The following NRXN2 variants were observed in gnomAD, a reference collection of about 807,000 sequenced individuals.
The protein encoded by NRXN2 is neurexin 2.
Under a neutral mutation model 128.8 loss-of-function variants are expected in NRXN2, and 29 were observed. That is an observed-to-expected ratio of 0.23 (90% confidence interval 0.17 to 0.31). NRXN2 has a LOEUF of 0.31. Among genes scored for constraint, NRXN2 ranks in the 10% least tolerant of loss-of-function variants. The pLI is 1.00. For synonymous variants in NRXN2, 1,098 were observed against 1,075.2 expected (o/e 1.02, Z -0.41); for missense variants, 1,881 against 2,452.6 (o/e 0.77, Z 4.92).
chr11:64,644,627 C>G (rs1049855305), intron 17 of NRXN2, among the ~76,000 whole-genome samples: 1 of 151,996 alleles, frequency 6.6e-6, no homozygotes, highest in South Asian at 2.1e-4. Context: ...TCGTATGCAC[C>G]AACCTGCTCG....
chr11:64,691,135 T>A (rs2053756317), intron 4 of NRXN2, among the ~76,000 whole-genome samples: 1 of 152,240 alleles, frequency 6.6e-6, no homozygotes, highest in African/African-American at 2.4e-5. Flanking sequence ...ACCCTGGAGC[T>A]TCCCAGAGAT....
chr11:64,690,965 C>G (rs1164584238), intron 4 of NRXN2, among the ~76,000 whole-genome samples: 1 of 152,168 alleles, frequency 6.6e-6, no homozygotes, highest in African/African-American at 2.4e-5. Flanking sequence ...GACGCAGACA[C>G]CCCCTCCTCC....
chr11:64,713,632 G>A lies in NRXN2; in HGVS notation c.68C>T (p.Ala23Val). 4 of 1,249,398 alleles carry A rather than the reference G, an allele frequency of 3.2e-6. No individual in the cohort carries two copies. The highest frequency in any genetic ancestry group is 2.8e-5 in the South Asian group (1 of 36,246). 77.4% of individuals were successfully genotyped at this position (1,249,398 alleles called of 1,614,324 possible). The part of the protein sequence containing the change: ...PLLLLLLLAL[A>V]ARADGLEFGG... ...GAACTCCAGGCCGTCCGCGCGCGCCGCCAGCGCCAGCAGCAGCAGCAACAG... is the reference window on the plus strand; with the variant it reads ...GAACTCCAGGCCGTCCGCGCGCGCCACCAGCGCCAGCAGCAGCAGCAACAG... Residue 23 changes from alanine to valine, a missense_variant, in exon 2 of 23, where the codon GCG (alanine) becomes GTG (valine). By Grantham distance (64) the Ala-to-Val change is moderately conservative. Transcript: ENST00000265459.
At chr11:64,617,162 GTGTGTGTGTGTGTA>G (rs924123697) in intron 22 of NRXN2, among the ~76,000 whole-genome samples, 9 of 134,226 alleles carry the variant, frequency 6.7e-5, no homozygotes, top group Admixed American at 1.4e-4. Context: ...AGGTTTGAAC[GTGTGTGTGTGTGTA>G]TGTGTGTGTG....
chr11:64,619,421 C>T (rs1357533292), intron 22 of NRXN2, among the ~76,000 whole-genome samples: 1 of 151,986 alleles, frequency 6.6e-6, no homozygotes, highest in East Asian at 1.9e-4. Context: ...GCAGCCTTGG[C>T]ACTCACTGCA....
Position 64,630,387 on chromosome 11 carries a change from G to A in NRXN2, c.3757+15C>T, listed in dbSNP as rs745989924. 9.3e-6 allele frequency: 15 copies of A among 1,605,292 alleles called. No individual in the cohort carries two copies. The African/African-American group carries it at 1.9e-4, about 20-fold the overall frequency. On this transcript the variant is annotated intron_variant, in intron 19 of 22. Coordinates refer to ENST00000265459, the MANE Select transcript of NRXN2 (RefSeq NM_015080.4). This position sits in a 1 kb window ranked among gnomAD's most constrained non-coding sequence, Gnocchi z 4.6. ...CCCCGCCACCGCGCCTCCTCCGCGGGCCCGCGCCGCCTACCTGCCGGGTAC... is the reference window on the plus strand; with the variant it reads ...CCCCGCCACCGCGCCTCCTCCGCGGACCCGCGCCGCCTACCTGCCGGGTAC...
chr11:64,693,703 C>T (rs2054142792), intron 3 of NRXN2, among the ~76,000 whole-genome samples: 2 of 151,956 alleles, frequency 1.3e-5, no homozygotes, highest in African/African-American at 4.8e-5. Context: ...TTCAAGAGGA[C>T]AAAATTAGAG....
intron 6 of NRXN2, among the ~76,000 whole-genome samples, chr11:64,680,954 G>A (rs139703543): frequency 5.8e-4 from 88 of 151,784 alleles, no homozygotes; most frequent in Non-Finnish European, 1.2e-3. Context: ...AAAATTAGCC[G>A]GGCATGGTGG....
Position 64,685,757 on chromosome 11 carries a change from C to A in NRXN2, c.1041G>T (p.Trp347Cys). 1.2e-6 allele frequency: 2 copies of A among 1,614,254 alleles called. No homozygotes were observed. Among genetic ancestry groups the A allele is most frequent in the Non-Finnish European group, 1.7e-6 (2 of 1,180,050 alleles). Residue 347 changes from tryptophan (W) to cysteine (C), a missense_variant, in exon 6 of 23, where the codon TGG becomes TGT. Around this residue, in one of 7 missense-constraint regions of NRXN2, gnomAD observed 997 missense variants for 1,240.8 expected, o/e 0.80. Transcript: ENST00000265459. ...CACCTGAGCCTAGGTTGATGACCAGCCAGACAGCCCCAGACTTGAGGGACA... is the reference window on the plus strand; with the variant it reads ...CACCTGAGCCTAGGTTGATGACCAGACAGACAGCCCCAGACTTGAGGGACA... Reference protein sequence around the residue: ...VNLSLKSGAVWLVINLGSGAF... With the variant: ...VNLSLKSGAVCLVINLGSGAF...
chr11:64,693,014 T>C (rs2054031657), intron 3 of NRXN2, 138 bp from the exon 4 acceptor site: 1 of 768,866 alleles, frequency 1.3e-6, no homozygotes, highest in African/African-American at 1.8e-5. Context: ...GCTGCCACAA[T>C]TTAAAAACCT....
rs367592666 is a variant in NRXN2, at chr11:64,618,351, CAG to C, written c.4252+1941_4252+1942del. Reference sequence around the variant, plus strand: ...ACCCCTCTGCAGGGTGCAGGGAAAGCAGAGACTCCTCCTGTTACCCAGGAATT... The same window carrying C: ...ACCCCTCTGCAGGGTGCAGGGAAAGCAGACTCCTCCTGTTACCCAGGAATT... On this transcript the variant is annotated intron_variant, in intron 22 of 22. Coordinates refer to ENST00000265459, the MANE Select transcript of NRXN2 (RefSeq NM_015080.4). 1.5e-3 allele frequency among the ~76,000 whole-genome samples: 232 copies of C among 152,320 alleles called. 1 individual carries two copies. Among genetic ancestry groups the C allele is most frequent in the African/African-American group, 5.5e-3 (227 of 41,578 alleles).
At chr11:64,704,621 CACAGAG>C (rs1267380359) in intron 2 of NRXN2, among the ~76,000 whole-genome samples, 47 of 88,968 alleles carry the variant, frequency 5.3e-4, no homozygotes, top group Non-Finnish European at 8.0e-4. Flanking sequence ...CACACACACA[CACAGAG>C]AGAGAGAGAG....
intron 3 of NRXN2, among the ~76,000 whole-genome samples, chr11:64,693,683 G>C (rs1246711449): frequency 6.6e-6 from 1 of 152,168 alleles, no homozygotes; most frequent in African/African-American, 2.4e-5. Flanking sequence ...GTTCTAAGAG[G>C]AAACTGGGGT....
rs77475025 is a variant in NRXN2 at position 64,697,028 on chromosome 11, G to A, written c.748+747C>T. ...AGGGACAGAGTCTTGGAGAAAAGGA[G>A]GTAAAGACAGAAACTGGAGAGGGAG... On this transcript the variant is annotated intron_variant, in intron 3 of 22. Transcript: ENST00000265459. 1.3e-3 allele frequency among the ~76,000 whole-genome samples: 194 copies of A among 152,232 alleles called. 1 individual carries two copies. Among genetic ancestry groups the A allele is most frequent in the African/African-American group, 4.4e-3 (184 of 41,544 alleles).
chr11:64,667,504 C>G lies in NRXN2; in HGVS notation c.1544G>C (p.Gly515Ala), dbSNP rs770514271. Residue 515 changes from glycine (G) to alanine (A), a missense_variant, in exon 9 of 23, where the codon GGC becomes GCC. This residue lies in a region of NRXN2 where 997 missense variants were observed against 1,240.8 expected (regional missense o/e 0.80). Transcript: ENST00000265459. This position sits in a 1 kb window ranked among gnomAD's most constrained non-coding sequence, Gnocchi z 5.6. The part of the protein sequence containing the change: ...ALPRWSAKRT[G>A]SISLDFRTTE... ...GGTGCGGAAGTCTAGGGAGATGGAG[C>G]CAGTGCGCTTAGCGCTCCAGCGGGG... 1.9e-6 allele frequency: 3 copies of G among 1,614,058 alleles called. No homozygotes were observed. In the Admixed American group the frequency reaches 5.0e-5, roughly 27 times the overall value.
At position 64,608,070 on chromosome 11, in the gene NRXN2, A is replaced by G; in HGVS notation, c.4265T>C (p.Ile1422Thr). ...GGAGTCCTCCGTGATAATGGGCAAT[A>G]TTAACTCTCCTCCTAGAACAAGAGA... is the stretch of plus-strand genomic sequence containing the variant. Reference protein sequence around the residue: ...ECEPSTGGELILPIITEDSLD... With the variant: ...ECEPSTGGELTLPIITEDSLD... The change falls in exon 23 of 23, where the codon ATA becomes ACA. Residue 1422 changes from isoleucine to threonine, a missense_variant. Ile to Thr is a moderately conservative substitution (Grantham distance 89). This residue lies in a region of NRXN2 where 310 missense variants were observed against 318.2 expected (regional missense o/e 0.97). Transcript: ENST00000265459. 6.3e-7 allele frequency: 1 copy of G among 1,586,012 alleles called. No individual in the cohort carries two copies. The highest frequency in any genetic ancestry group is 8.5e-7 in the Non-Finnish European group (1 of 1,174,350).
At chr11:64,665,676 C>T (rs1338384388) in intron 9 of NRXN2, among the ~76,000 whole-genome samples, 4 of 152,208 alleles carry the variant, frequency 2.6e-5, no homozygotes, top group Admixed American at 2.6e-4. Flanking sequence ...GGGGCCCCTC[C>T]TTCCTGCATG....
chr11:64,718,006 C>CT (rs1565488287), intron 1 of NRXN2, among the ~76,000 whole-genome samples: 3 of 152,194 alleles, frequency 2.0e-5, no homozygotes, highest in Non-Finnish European at 2.9e-5. Flanking sequence ...TTCATCTTCT[C>CT]TTTTTTTTCC....
intron 17 of NRXN2, among the ~76,000 whole-genome samples, chr11:64,644,658 G>A (rs2046367774): frequency 6.6e-6 from 1 of 152,156 alleles, no homozygotes; most frequent in Non-Finnish European, 1.5e-5. Flanking sequence ...AGGGTGGGAA[G>A]GCAGAGGGTA....
Sources: gnomAD v4.1 joint callset for allele counts (sites outside exome capture counted in the v4.1 genomes callset) on GRCh38, gnomAD v4.1.1 for gene constraint, gnomAD v4.1.1 regional missense constraint, Gnocchi (gnomAD v3.1) non-coding constraint, MANE v1.5 for transcripts, NCBI Gene and HGNC (gene_info 2026-07-23, HGNC 2026-07-21) for gene names.